FAM168A: variants seen among roughly 807,000 people sequenced by gnomAD.
FAM168A encodes the protein family with sequence similarity 168 member A.
In FAM168A, 3 loss-of-function variants were observed where a neutral mutation model predicts 28.5. The observed-to-expected ratio is 0.11, with a 90% CI of 0.05 to 0.27. The LOEUF (loss-of-function observed/expected upper bound fraction) is 0.27. Among genes scored for constraint, FAM168A ranks in the 10% least tolerant of loss-of-function variants. FAM168A has a pLI of 1.00. For synonymous variants in FAM168A, 122 were observed against 124.2 expected, an observed-to-expected ratio of 0.98 and a Z score of 0.12; for missense variants, 222 against 311.5, an observed-to-expected ratio of 0.71 and a Z score of 2.16.
intron 2 of FAM168A, among the ~76,000 whole-genome samples, chr11:73,434,332 G>C (rs1867051294): frequency 6.6e-6 from 1 of 152,110 alleles, no homozygotes; most frequent in Non-Finnish European, 1.5e-5. Flanking sequence ...TCAGTGCTAT[G>C]GAAAAGAGAA....
intron 1 of FAM168A, among the ~76,000 whole-genome samples, chr11:73,489,779 G>C (rs1429236039): frequency 6.6e-6 from 1 of 152,176 alleles, no homozygotes; most frequent in Non-Finnish European, 1.5e-5. Flanking sequence ...GCAAAGTGTT[G>C]AATTACAGGC....
At chr11:73,469,657 C>T (rs1295461285) in intron 1 of FAM168A, among the ~76,000 whole-genome samples, 3 of 152,212 alleles carry the variant, frequency 2.0e-5, no homozygotes, top group Admixed American at 6.5e-5. Flanking sequence ...AATGTGTAGC[C>T]CTGGCAAACT....
chr11:73,521,479 G>C (rs1590830679), intron 1 of FAM168A, among the ~76,000 whole-genome samples: 1 of 151,748 alleles, frequency 6.6e-6, no homozygotes, highest in South Asian at 2.1e-4. Flanking sequence ...AACAAAAAAA[G>C]AAGAAGAAAA....
At chr11:73,450,647 C>T (rs1335477081) in intron 2 of FAM168A, among the ~76,000 whole-genome samples, 1 of 150,432 alleles carries the variant, frequency 6.6e-6, no homozygotes, top group African/African-American at 2.4e-5. Flanking sequence ...CTCCCAAAAA[C>T]AAAACGACCC....
intron 2 of FAM168A, among the ~76,000 whole-genome samples, chr11:73,454,316 A>G (rs941088236): frequency 1.3e-5 from 2 of 152,244 alleles, no homozygotes; most frequent in African/African-American, 2.4e-5. Context: ...GGAAACTACT[A>G]AACAACTCAC....
intron 1 of FAM168A, among the ~76,000 whole-genome samples, chr11:73,581,163 G>A (rs533719518): frequency 2.6e-5 from 4 of 152,340 alleles, no homozygotes; most frequent in East Asian, 1.9e-4. Flanking sequence ...AGCATCAGAT[G>A]AAGACTTCAT....
At chr11:73,453,948 A>C (rs1867479632) in intron 2 of FAM168A, among the ~76,000 whole-genome samples, 1 of 152,236 alleles carries the variant, frequency 6.6e-6, no homozygotes, top group African/African-American at 2.4e-5. Context: ...TAGCAGGGAA[A>C]GGGAAGTCAC....
At chr11:73,506,123 G>C (rs1276466110) in intron 1 of FAM168A, among the ~76,000 whole-genome samples, 1 of 152,110 alleles carries the variant, frequency 6.6e-6, no homozygotes, top group African/African-American at 2.4e-5. Context: ...GCAGGGCACA[G>C]AAAACAGGCA....
chr11:73,530,629 G>C (rs1278673068), intron 1 of FAM168A, among the ~76,000 whole-genome samples: 4 of 152,102 alleles, frequency 2.6e-5, no homozygotes, highest in Non-Finnish European at 4.4e-5. Context: ...CTTAGGTACA[G>C]CAATCTTTTT....
At chr11:73,508,326 G>GA (rs944966179) in intron 1 of FAM168A, among the ~76,000 whole-genome samples, 8 of 129,776 alleles carry the variant, frequency 6.2e-5, no homozygotes, top group Admixed American at 2.3e-4. Context: ...AATAAAAAAG[G>GA]AAAAAAATAT....
Position 73,437,434 on chromosome 11 carries a change from C to G in FAM168A, c.71-6664G>C, listed in dbSNP as rs570459390. 2.2e-5 allele frequency among the ~76,000 whole-genome samples: 3 copies of G among 134,626 alleles called. No homozygotes were observed. In the South Asian group the frequency reaches 7.4e-4, roughly 33 times the overall value. The allele number at this position is 134,626 out of a possible 152,430, so 88.3% of individuals were successfully genotyped here. A position where few individuals can be genotyped will look rare whatever the true frequency, so the allele number is the denominator to read the frequency against. On this transcript the variant is annotated intron_variant, in intron 2 of 7. Transcript: ENST00000356467. The stretch of plus-strand genomic sequence containing the variant: ...TTTTTTTTTTTTTGAGACAGAGTCT[C>G]ACTCTATCGCCCAATCTAAAGTGCA...
At chr11:73,574,035 GA>G (rs1565304687) in intron 1 of FAM168A, among the ~76,000 whole-genome samples, 1 of 151,752 alleles carries the variant, frequency 6.6e-6, no homozygotes, top group African/African-American at 2.4e-5. Flanking sequence ...GAGGCAGGGG[GA>G]TCACTAAGCC....
chr11:73,521,169 C>T (rs1370627911), intron 1 of FAM168A, among the ~76,000 whole-genome samples: 2 of 152,178 alleles, frequency 1.3e-5, no homozygotes, highest in African/African-American at 4.8e-5. Flanking sequence ...TCTGCATGTG[C>T]GACCTAGCCT....
intron 1 of FAM168A, among the ~76,000 whole-genome samples, chr11:73,576,519 G>A (rs745618706): frequency 2.6e-5 from 4 of 152,194 alleles, no homozygotes; most frequent in Non-Finnish European, 5.9e-5. Context: ...CTGAATGAGC[G>A]GTTACCAGAA....
intron 1 of FAM168A, among the ~76,000 whole-genome samples, chr11:73,500,475 G>C (rs1043356978): frequency 6.6e-6 from 1 of 151,988 alleles, no homozygotes; most frequent in Non-Finnish European, 1.5e-5. Context: ...ATCCAGGCTG[G>C]TCTCGAACTC....
rs573353391 is a variant in FAM168A at position 73,584,384 on chromosome 11, A to T, written c.-19+13539T>A. On this transcript the variant is annotated intron_variant, in intron 1 of 7. Transcript: ENST00000356467. ...AGAGATGTTGCCCAGGCTGGTCTCA[A>T]ACTCCTAGTCTCAAGTGATCCTCCT... Among the ~76,000 whole-genome samples the T allele has an allele frequency of 1.6e-3, 236 of 151,864 alleles. 1 individual carries two copies. Among genetic ancestry groups the T allele is most frequent in the African/African-American group, 5.2e-3 (217 of 41,390 alleles).
At chr11:73,563,436 G>A (rs893179269) in intron 1 of FAM168A, among the ~76,000 whole-genome samples, 8 of 152,158 alleles carry the variant, frequency 5.3e-5, no homozygotes, top group Non-Finnish European at 1.0e-4. Flanking sequence ...AACTGTAGCT[G>A]CTATTGTCAT....
At chr11:73,493,566 C>T (rs1854804734) in intron 1 of FAM168A, among the ~76,000 whole-genome samples, 1 of 152,128 alleles carries the variant, frequency 6.6e-6, no homozygotes, top group African/African-American at 2.4e-5. Flanking sequence ...CCGACGTGTG[C>T]CACCATGCTA....
At chr11:73,450,637 C>T (rs12417351) in intron 2 of FAM168A, among the ~76,000 whole-genome samples, 11,907 of 151,554 alleles carry the variant, frequency 0.079, 561 homozygotes, top group Admixed American at 0.11. Flanking sequence ...CCTTTTTTCC[C>T]TCCCAAAAAC....
Sources: gnomAD v4.1 joint callset for allele counts (sites outside exome capture counted in the v4.1 genomes callset) on GRCh38, gnomAD v4.1.1 for gene constraint, MANE v1.5 for transcripts, NCBI Gene and HGNC (gene_info 2026-07-23, HGNC 2026-07-21) for gene names.